VPS13B: variants seen among roughly 807,000 people sequenced by gnomAD.
VPS13B encodes the protein intermembrane lipid transfer protein VPS13B.
In VPS13B, 285 loss-of-function variants were observed where a neutral mutation model predicts 426.4. The observed-to-expected ratio is 0.67, with a 90% CI of 0.61 to 0.74. The LOEUF (loss-of-function observed/expected upper bound fraction) is 0.74, where lower values mean the gene tolerates loss of function less well. VPS13B is among the 30% of genes least tolerant of loss of function. The pLI, the probability that VPS13B is intolerant of heterozygous loss-of-function variation, is 0.00. For missense variants in VPS13B, 4,537 were observed against 4,782.6 expected, an observed-to-expected ratio of 0.95 and a Z score of 1.51; for synonymous variants, 1,676 against 1,676.4, an observed-to-expected ratio of 1.00 and a Z score of 0.01.
At chr8:99,499,135 G>A (rs1208267291) in intron 25 of VPS13B, among the ~76,000 whole-genome samples, 3 of 152,070 alleles carry the variant, frequency 2.0e-5, no homozygotes, top group African/African-American at 4.8e-5. Flanking sequence ...GAATTGAACT[G>A]TTTATTTTAG....
intron 43 of VPS13B, among the ~76,000 whole-genome samples, chr8:99,786,699 T>C (rs1812281575): frequency 6.6e-6 from 1 of 152,202 alleles, no homozygotes; most frequent in Non-Finnish European, 1.5e-5. Context: ...ATGCAACTTT[T>C]AAAATAAGCT....
rs1014479884 is a variant in VPS13B, at chr8:99,853,537, C to G, written c.10148C>G (p.Ser3383Ter). ...GATGACCTCACCCACCACAAAGCATCAGCTGAGCTTCTGAGACTCACACTG... is the reference window on the plus strand; with the variant it reads ...GATGACCTCACCCACCACAAAGCATGAGCTGAGCTTCTGAGACTCACACTG... ...VFDDLTHHKA[S>*]AELLRLTLDN... is the part of the protein sequence containing the mutation. Residue 3383 changes from serine (S) to a stop codon, truncating the protein, a stop_gained, in exon 56 of 62, where the codon TCA becomes TGA. Coordinates refer to ENST00000357162, the MANE Select transcript of VPS13B (RefSeq NM_152564.5). LOFTEE classifies it high-confidence loss of function. The G allele has an allele frequency of 1.9e-6, 3 of 1,614,208 alleles. No individual in the cohort carries two copies. The highest frequency in any genetic ancestry group is 2.5e-6 in the Non-Finnish European group (3 of 1,180,050).
In VPS13B at chr8:99,868,297, G is replaced by A. The variant is rs1355474839; in HGVS notation, c.11224G>A (p.Ala3742Thr). Residue 3742 changes from alanine to threonine, a missense_variant, in exon 59 of 62, where the codon GCT becomes ACT. Ala to Thr is a moderately conservative substitution (Grantham distance 58). Transcript: ENST00000357162. ...GGCTTTTGTTATTCCAGGTGCAATTGCTGGTATAGTTGATCAGCCGATGCA... is the reference window on the plus strand; with the variant it reads ...GGCTTTTGTTATTCCAGGTGCAATTACTGGTATAGTTGATCAGCCGATGCA... ...RLGISLLGAI[A>T]GIVDQPMQNF... 1 of 1,614,170 alleles carries A rather than the reference G, an allele frequency of 6.2e-7. No homozygotes were observed. Among genetic ancestry groups the A allele is most frequent in the East Asian group, 2.2e-5 (1 of 44,890 alleles).
At chr8:99,664,064 TG>T (rs1830352044) in intron 35 of VPS13B, among the ~76,000 whole-genome samples, 1 of 151,352 alleles carries the variant, frequency 6.6e-6, no homozygotes, top group Non-Finnish European at 1.5e-5. Flanking sequence ...TGGAGTGCAG[TG>T]GTGTGATCTT....
At chr8:99,066,366 A>G (rs1420530470) in intron 3 of VPS13B, among the ~76,000 whole-genome samples, 1 of 152,208 alleles carries the variant, frequency 6.6e-6, no homozygotes, top group Non-Finnish European at 1.5e-5. Flanking sequence ...CAACCATCTG[A>G]TCTTTGACAA....
At chr8:99,357,792 A>C (rs1034908953) in intron 19 of VPS13B, among the ~76,000 whole-genome samples, 1 of 152,220 alleles carries the variant, frequency 6.6e-6, no homozygotes, top group Non-Finnish European at 1.5e-5. Flanking sequence ...TAAATGAGAC[A>C]GTAAATGTAA....
At chr8:99,141,466 G>A (rs1810418298) in intron 12 of VPS13B, among the ~76,000 whole-genome samples, 1 of 152,078 alleles carries the variant, frequency 6.6e-6, no homozygotes, top group Non-Finnish European at 1.5e-5. Context: ...TGTAACCGAA[G>A]TTCTATCTTT....
At chr8:99,697,506 C>T (rs1832079251) in intron 35 of VPS13B, 2 of 738,476 alleles carry the variant, frequency 2.7e-6, no homozygotes, top group African/African-American at 1.7e-5. Context: ...AAGTCGCTCA[C>T]CAAAGAGAAG....
intron 60 of VPS13B, chr8:99,871,155 G>A (rs548205569): frequency 1.7e-6 from 1 of 599,424 alleles, no homozygotes; most frequent in African/African-American, 1.9e-5. Flanking sequence ...TCTTGCTAGA[G>A]GGCCTGAGAT....
chr8:99,569,304 T>C (rs1825353187), intron 31 of VPS13B, among the ~76,000 whole-genome samples: 1 of 151,946 alleles, frequency 6.6e-6, no homozygotes, highest in African/African-American at 2.4e-5. Flanking sequence ...GTCCACACAC[T>C]TATAGCCCTA....
chr8:99,621,991 G>A (rs1489160855), intron 33 of VPS13B, among the ~76,000 whole-genome samples: 2 of 151,414 alleles, frequency 1.3e-5, no homozygotes, highest in East Asian at 1.9e-4. Flanking sequence ...TCACCACCAC[G>A]CCGGGCTTTT....
chr8:99,538,008 A>G (rs1468253428), intron 30 of VPS13B, among the ~76,000 whole-genome samples: 1 of 152,200 alleles, frequency 6.6e-6, no homozygotes, highest in Non-Finnish European at 1.5e-5. Flanking sequence ...ATTATTCAAC[A>G]TTGGAGACCT....
At position 99,817,708 on chromosome 8, in the gene VPS13B, C is replaced by G. The variant is rs141360806; in HGVS notation, c.8266C>G (p.Leu2756Val). 3.7e-6 allele frequency: 6 copies of G among 1,613,946 alleles called. No individual in the cohort carries two copies. The African/African-American group carries it at 6.7e-5, about 18-fold the overall frequency. Residue 2756 changes from leucine to valine, a missense_variant, in exon 45 of 62, where the codon CTG (leucine) becomes GTG (valine). Around this residue, in one of 2 missense-constraint regions of VPS13B, gnomAD observed 4,311 missense variants for 4,474.3 expected, o/e 0.96. Transcript: ENST00000357162. ...TTCGTACATACTAGAAAACAATGAA[C>G]TGACGGAGCTGTGTGTGAAGGCCAA... ...LPSYILENNE[L>V]TELCVKAKGD...
chr8:99,845,332 C>G (rs955771395), intron 54 of VPS13B, among the ~76,000 whole-genome samples: 3 of 152,178 alleles, frequency 2.0e-5, no homozygotes, highest in Admixed American at 1.3e-4. Flanking sequence ...CATCTCGTAT[C>G]TTCCCCCTTG....
intron 44 of VPS13B, among the ~76,000 whole-genome samples, chr8:99,815,781 C>T (rs1813998731): frequency 6.6e-6 from 1 of 152,076 alleles, no homozygotes; most frequent in African/African-American, 2.4e-5. Context: ...AAGAATTCAC[C>T]ACCGTATTAA....
At chr8:99,383,487 T>G (rs928122186) in intron 19 of VPS13B, among the ~76,000 whole-genome samples, 1 of 152,190 alleles carries the variant, frequency 6.6e-6, no homozygotes, top group Non-Finnish European at 1.5e-5. Context: ...GAGATGTAAT[T>G]CACTTTCTAT....
rs532652106 is a variant in VPS13B, at chr8:99,781,364, A to C, written c.7779+2333A>C. Among the ~76,000 whole-genome samples the C allele has an allele frequency of 2.6e-5, 4 of 152,254 alleles. No individual in the cohort carries two copies. The South Asian group carries it at 8.3e-4, about 32-fold the overall frequency. On this transcript the variant is annotated intron_variant, in intron 42 of 61. Coordinates refer to ENST00000357162, the MANE Select transcript of VPS13B (RefSeq NM_152564.5). ...ACTTATGTGTCTTCTCTTACACCAA[A>C]ATGGTGTATCTGTTTAACTGCAAAT...
Position 99,381,953 on chromosome 8 carries a change from T to A in VPS13B, c.2825-2255T>A, listed in dbSNP as rs1588313368. ...TCTACATTGTCTTCTAGGACTTTTA[T>A]AGTTTTGAGTTTTTATTTAAGTCTT... On this transcript the variant is annotated intron_variant, in intron 19 of 61. Transcript: ENST00000357162. Among the ~76,000 whole-genome samples the A allele has an allele frequency of 3.9e-5, 6 of 152,302 alleles. No homozygotes were observed. The South Asian group carries it at 1.2e-3, about 32-fold the overall frequency.
chr8:99,848,550 T>C (rs990131097), intron 54 of VPS13B, among the ~76,000 whole-genome samples: 3 of 152,176 alleles, frequency 2.0e-5, no homozygotes, highest in Non-Finnish European at 4.4e-5. Context: ...TCATCCATCA[T>C]TTTTTTCTAT....
Sources: gnomAD v4.1 joint callset for allele counts (sites outside exome capture counted in the v4.1 genomes callset) on GRCh38, gnomAD v4.1.1 for gene constraint, gnomAD v4.1.1 regional missense constraint, MANE v1.5 for transcripts, NCBI Gene and HGNC (gene_info 2026-07-23, HGNC 2026-07-21) for gene names.